Variants in NF1 observed in about 807,000 individuals in gnomAD.
The protein encoded by NF1 is neurofibromin 1.
Under a neutral mutation model 325.7 loss-of-function variants are expected in NF1, and 122 were observed. That is an observed-to-expected ratio of 0.37 (90% CI 0.32 to 0.44). NF1 has a LOEUF of 0.44. Ranked by LOEUF, NF1 falls within the 20% of genes least tolerant of loss-of-function variation. NF1 has a pLI of 1.00. For synonymous variants in NF1, 1,091 were observed against 1,186.0 expected, an observed-to-expected ratio of 0.92 and a Z score of 1.65; for missense variants, 2,140 against 3,415.4, an observed-to-expected ratio of 0.63 and a Z score of 9.31.
At chr17:31,321,624 A>G (rs1436234776) in intron 36 of NF1, 1 of 152,096 alleles carries the variant, frequency 6.6e-6, no homozygotes, top group Admixed American at 6.6e-5. Flanking sequence ...GTAAAAAAGG[A>G]TATGTGCAGC....
intron 4 of NF1, 95 bp downstream of exon 4, chr17:31,163,471 A>G: frequency 7.1e-7 from 1 of 1,410,046 alleles, no homozygotes; most frequent in African/African-American, 1.4e-5. Flanking sequence ...AATGGAAATG[A>G]GGTTTTTTTG....
At chr17:31,252,867 A>C in intron 30 of NF1, 71 bp from the exon 31 acceptor site, 2 of 1,241,080 alleles carry the variant, frequency 1.6e-6, no homozygotes, top group East Asian at 2.3e-5. Flanking sequence ...TTTTATGTAC[A>C]AGCCAACATT....
rs1467717295 is a variant in NF1, at chr17:31,226,613, C to CA, written c.2181dup (p.Val728SerfsTer3). 6.2e-7 allele frequency: 1 copy of CA among 1,613,750 alleles called. No homozygotes were observed. On this transcript the variant is annotated frameshift_variant, in exon 18 of 58. Coordinates refer to ENST00000358273, the MANE Select transcript of NF1 (RefSeq NM_001042492.3). LOFTEE classifies it high-confidence loss of function. Reference sequence around the variant, plus strand: ...ATCCGGTGTGGGGTGGATGAAGTGTCAGTGCATAACCTCTTGCCCAACTAT... The same window carrying CA: ...ATCCGGTGTGGGGTGGATGAAGTGTCAAGTGCATAACCTCTTGCCCAACTAT...
chr17:31,210,118 C>A (rs551893137), intron 12 of NF1, among the ~76,000 whole-genome samples: 1 of 152,132 alleles, frequency 6.6e-6, no homozygotes, highest in African/African-American at 2.4e-5. Context: ...TTATCAGGTT[C>A]TTTAGTTGTC....
chr17:31,199,323 T>A (rs2066486689), intron 8 of NF1, among the ~76,000 whole-genome samples: 1 of 152,218 alleles, frequency 6.6e-6, no homozygotes, highest in Non-Finnish European at 1.5e-5. Flanking sequence ...TCCTTTGTGA[T>A]TTTTTCCTTT....
chr17:31,177,425 CA>C (rs2066043833), intron 5 of NF1, among the ~76,000 whole-genome samples: 1 of 82,418 alleles, frequency 1.2e-5, no homozygotes, highest in East Asian at 2.8e-4. Context: ...GAAACCAGTG[CA>C]AAAAGGCTGA....
At chr17:31,222,355 A>G in intron 15 of NF1, 1 of 1,038,210 alleles carries the variant, frequency 9.6e-7, no homozygotes, top group Non-Finnish European at 1.2e-6. Flanking sequence ...ATGAATTAAT[A>G]ATGGACACCT....
chr17:31,106,357 A>T (rs966295025), intron 1 of NF1, among the ~76,000 whole-genome samples: 1 of 151,894 alleles, frequency 6.6e-6, no homozygotes, highest in African/African-American at 2.4e-5. Flanking sequence ...TCTGTGCAGT[A>T]TTTTTTTTCT....
intron 1 of NF1, 93 bp from the exon 2 acceptor site, chr17:31,155,890 C>T (rs2143623232): frequency 6.8e-7 from 1 of 1,471,798 alleles, no homozygotes. Flanking sequence ...TGCAGTTTTC[C>T]TAAAACGTCA....
At chr17:31,257,260 G>T (rs985413337) in intron 31 of NF1, among the ~76,000 whole-genome samples, 13 of 152,288 alleles carry the variant, frequency 8.5e-5, no homozygotes, top group Admixed American at 1.3e-4. Context: ...ACAGAATATT[G>T]AGTGGAATGC....
intron 36 of NF1, among the ~76,000 whole-genome samples, chr17:31,278,740 G>A (rs1449377576): frequency 6.6e-6 from 1 of 151,010 alleles, no homozygotes; most frequent in East Asian, 1.9e-4. Flanking sequence ...TCAGCCTCCT[G>A]AGTAGCTGGG....
intron 1 of NF1, among the ~76,000 whole-genome samples, chr17:31,119,201 A>G (rs1914221997): frequency 1.3e-5 from 2 of 152,010 alleles, no homozygotes; most frequent in South Asian, 4.2e-4. Flanking sequence ...TCGGCCTCCC[A>G]AAGTGCTGGG....
intron 12 of NF1, among the ~76,000 whole-genome samples, chr17:31,206,819 T>G (rs1303382580): frequency 6.6e-6 from 1 of 152,156 alleles, no homozygotes; most frequent in African/African-American, 2.4e-5. Context: ...AATTTAGAGT[T>G]TTTGTATTTA....
intron 57 of NF1, among the ~76,000 whole-genome samples, chr17:31,370,005 G>T (rs2070602943): frequency 6.7e-6 from 1 of 149,900 alleles, no homozygotes; most frequent in South Asian, 2.1e-4. Context: ...CATTTTAATT[G>T]TTTTTTTTTA....
chr17:31,230,093 G>T, intron 22 of NF1, 119 bp downstream of exon 22: 1 of 1,419,158 alleles, frequency 7.0e-7, no homozygotes, highest in Non-Finnish European at 9.9e-7. Context: ...CACAAACTAG[G>T]GTGTGACAGT....
At position 31,341,594 on chromosome 17, in the gene NF1, A is replaced by AGTGTGT. The variant is rs760580157; in HGVS notation, c.7062+970_7062+975dup. Among the ~76,000 whole-genome samples the AGTGTGT allele has an allele frequency of 5.6e-3, 806 of 145,036 alleles. 9 individuals are homozygous for AGTGTGT. The highest frequency in any genetic ancestry group is 0.019 in the African/African-American group (732 of 38,146). On this transcript the variant is annotated intron_variant, in intron 47 of 57. Transcript: ENST00000358273. ...AATGTATGTGTATATATATATATAA[A>AGTGTGT]GTGTGTGTGTGTGTGTGTGTGTGTG...
intron 1 of NF1, among the ~76,000 whole-genome samples, chr17:31,109,520 A>C (rs1175818780): frequency 6.6e-6 from 1 of 151,584 alleles, no homozygotes; most frequent in Admixed American, 6.6e-5. Flanking sequence ...AGTAGCTGGG[A>C]TTACAGGCAC....
chr17:31,305,336 G>A (rs1470976140), intron 36 of NF1: 1 of 1,614,102 alleles, frequency 6.2e-7, no homozygotes, highest in Non-Finnish European at 8.5e-7. Context: ...TGTGCTTCTG[G>A]TTTTTCAGAA....
chr17:31,262,937 T>C (rs1030614289), intron 35 of NF1, among the ~76,000 whole-genome samples: 1 of 152,066 alleles, frequency 6.6e-6, no homozygotes, highest in Non-Finnish European at 1.5e-5. Context: ...AACCCCAACA[T>C]TTTGAGAGGC....
Sources: gnomAD v4.1 joint callset for allele counts (sites outside exome capture counted in the v4.1 genomes callset) on GRCh38, gnomAD v4.1.1 for gene constraint, MANE v1.5 for transcripts, NCBI Gene and HGNC (gene_info 2026-07-23, HGNC 2026-07-21) for gene names.